The following CSMD1 variants were observed in gnomAD, a reference collection of about 807,000 sequenced individuals.
CSMD1 encodes the protein CUB and sushi domain-containing protein 1.
CSMD1 carries 213 observed loss-of-function variants against 417.5 expected under a neutral mutation model. The observed-to-expected ratio is 0.51, with a 90% CI of 0.46 to 0.57. The LOEUF is 0.57. CSMD1 is among the 20% of genes least tolerant of loss of function. The pLI is 0.00. For missense variants in CSMD1, 6,923 were observed against 4,529.7 expected, an observed-to-expected ratio of 1.53 and a Z score of -15.17; for synonymous variants, 2,862 against 1,736.8, an observed-to-expected ratio of 1.65 and a Z score of -16.11.
chr8:4,340,443 T>A (rs898516966), intron 3 of CSMD1, among the ~76,000 whole-genome samples: 3 of 152,106 alleles, frequency 2.0e-5, no homozygotes, highest in South Asian at 4.1e-4. Flanking sequence ...AGCTGCGCAT[T>A]CCTTGAAGGA....
chr8:3,044,273 A>G (rs75589264), intron 50 of CSMD1, among the ~76,000 whole-genome samples: 3,888 of 152,280 alleles, frequency 0.026, 165 homozygotes, highest in African/African-American at 0.088. Context: ...TAAAGCATTT[A>G]ATTTTTATTT....
intron 5 of CSMD1, among the ~76,000 whole-genome samples, chr8:3,848,448 C>T (rs1245817454): frequency 1.3e-5 from 2 of 152,150 alleles, no homozygotes; most frequent in Non-Finnish European, 2.9e-5. Flanking sequence ...CTAATAGTTA[C>T]TTAAGTTCTC....
intron 4 of CSMD1, among the ~76,000 whole-genome samples, chr8:4,018,994 C>T (rs958542411): frequency 6.6e-6 from 1 of 152,134 alleles, no homozygotes; most frequent in African/African-American, 2.4e-5. Flanking sequence ...CTCTGATTAC[C>T]ACACTTTCTT....
chr8:3,004,784 T>A (rs1239130815), intron 52 of CSMD1, among the ~76,000 whole-genome samples: 1 of 152,188 alleles, frequency 6.6e-6, no homozygotes, highest in Non-Finnish European at 1.5e-5. Flanking sequence ...GAACCAAGAA[T>A]GAAATGGTCT....
At chr8:3,942,368 C>G (rs1173737665) in intron 5 of CSMD1, among the ~76,000 whole-genome samples, 1 of 152,134 alleles carries the variant, frequency 6.6e-6, no homozygotes, top group Non-Finnish European at 1.5e-5. Flanking sequence ...TAGAGGACGG[C>G]TACCTTAACC....
chr8:3,961,216 G>T lies in CSMD1; in HGVS notation c.818+36687C>A, dbSNP rs142463555. On this transcript the variant is annotated intron_variant, in intron 5 of 69. Transcript: ENST00000635120. ...TGAAAGTCATTGTCTCAATTAAGGAGATTTTCTTTACCAAGTAAGCTATTG... is the reference window on the plus strand; with the variant it reads ...TGAAAGTCATTGTCTCAATTAAGGATATTTTCTTTACCAAGTAAGCTATTG... 2.3e-3 allele frequency among the ~76,000 whole-genome samples: 349 copies of T among 152,222 alleles called. 2 individuals carry two copies. The highest frequency in any genetic ancestry group is 7.5e-3 in the African/African-American group (310 of 41,548).
intron 5 of CSMD1, among the ~76,000 whole-genome samples, chr8:3,957,089 G>C (rs1318885106): frequency 3.3e-5 from 5 of 151,886 alleles, no homozygotes; most frequent in African/African-American, 4.8e-5. Context: ...CTCTGTATAT[G>C]TCTTTGGAAA....
intron 7 of CSMD1, among the ~76,000 whole-genome samples, chr8:3,644,518 G>A (rs1452624402): frequency 6.6e-6 from 1 of 152,198 alleles, no homozygotes; most frequent in Admixed American, 6.5e-5. Context: ...AGAAGATGGG[G>A]AAGATGATGA....
intron 4 of CSMD1, among the ~76,000 whole-genome samples, chr8:4,010,291 A>G (rs544093982): frequency 4.6e-5 from 7 of 152,136 alleles, no homozygotes; most frequent in Admixed American, 1.3e-4. Context: ...GTCTCTTGCC[A>G]TAATAATCTG....
chr8:3,188,090 A>ATATATATATACATATGTATATG, intron 35 of CSMD1, 125 bp from the exon 36 acceptor site: 2 of 292,376 alleles, frequency 6.8e-6, no homozygotes, highest in South Asian at 7.0e-5. Context: ...ATGTATATGT[A>ATATATATATACATATGTATATG]TATATATATA....
intron 5 of CSMD1, among the ~76,000 whole-genome samples, chr8:3,874,531 A>C (rs1805687967): frequency 6.6e-6 from 1 of 152,224 alleles, no homozygotes; most frequent in African/African-American, 2.4e-5. Context: ...CGTTCATTGA[A>C]GACATACAAG....
chr8:3,058,580 C>A (rs6558706), intron 49 of CSMD1, among the ~76,000 whole-genome samples: 69,046 of 151,988 alleles, frequency 0.45, 16,753 homozygotes, highest in Non-Finnish European at 0.54. Flanking sequence ...GCAATAAATA[C>A]CAGGCCTCTA....
intron 62 of CSMD1, among the ~76,000 whole-genome samples, chr8:2,959,095 T>A (rs34189179): frequency 0.1 from 15,510 of 152,266 alleles, 822 homozygotes; most frequent in East Asian, 0.15. Flanking sequence ...GATTGATTGA[T>A]TGATTGACTG....
intron 3 of CSMD1, among the ~76,000 whole-genome samples, chr8:4,187,509 T>G (rs1005277306): frequency 6.6e-6 from 1 of 151,946 alleles, no homozygotes; most frequent in Admixed American, 6.6e-5. Flanking sequence ...GCCTGGGTGG[T>G]GGCACATGCC....
chr8:3,752,066 C>G (rs1413258512), intron 6 of CSMD1, among the ~76,000 whole-genome samples: 1 of 152,090 alleles, frequency 6.6e-6, no homozygotes, highest in African/African-American at 2.4e-5. Context: ...CTTCCTCATT[C>G]AAACCCACCC....
At chr8:4,270,778 G>C (rs752260494) in intron 3 of CSMD1, among the ~76,000 whole-genome samples, 2 of 152,164 alleles carry the variant, frequency 1.3e-5, no homozygotes. Flanking sequence ...GCACCCCCCA[G>C]GGGGCTGTGG....
At chr8:4,254,144 C>G (rs968048158) in intron 3 of CSMD1, among the ~76,000 whole-genome samples, 3 of 151,912 alleles carry the variant, frequency 2.0e-5, no homozygotes, top group African/African-American at 7.3e-5. Flanking sequence ...GTCTCCATCT[C>G]CTGACCTGGT....
At chr8:3,639,872 A>G (rs1482948017) in intron 7 of CSMD1, among the ~76,000 whole-genome samples, 1 of 152,226 alleles carries the variant, frequency 6.6e-6, no homozygotes, top group African/African-American at 2.4e-5. Flanking sequence ...AAAATATGTG[A>G]TATGTTCAGA....
At chr8:4,553,672 C>T (rs1159987758) in intron 2 of CSMD1, among the ~76,000 whole-genome samples, 1 of 152,168 alleles carries the variant, frequency 6.6e-6, no homozygotes, top group Non-Finnish European at 1.5e-5. Flanking sequence ...CTATCTTCAG[C>T]ACATTTCCCA....
Sources: gnomAD v4.1 joint callset for allele counts (sites outside exome capture counted in the v4.1 genomes callset) on GRCh38, gnomAD v4.1.1 for gene constraint, MANE v1.5 for transcripts, NCBI Gene and HGNC (gene_info 2026-07-23, HGNC 2026-07-21) for gene names.